Variants in GRK1 observed in about 807,000 individuals in gnomAD.
The protein encoded by GRK1 is rhodopsin kinase GRK1.
Under a neutral mutation model 41.7 loss-of-function variants are expected in GRK1, and 28 were observed. That is an observed-to-expected ratio of 0.67 (90% CI 0.50 to 0.92). GRK1 has a LOEUF of 0.92. Among genes scored for constraint, GRK1 ranks in the 40% least tolerant of loss-of-function variants. The pLI, the probability that GRK1 is intolerant of heterozygous loss-of-function variation, is 0.00. For synonymous variants in GRK1, 327 were observed against 286.7 expected (o/e 1.14, Z -1.42); for missense variants, 703 against 671.2 (o/e 1.05, Z -0.52).
rs1475553367 is a variant in GRK1 at position 113,667,496 on chromosome 13, C to T, written c.110C>T (p.Ala37Val). 1.9e-6 allele frequency: 3 copies of T among 1,612,350 alleles called. No homozygotes were observed. The highest frequency in any genetic ancestry group is 2.7e-5 in the African/African-American group (2 of 74,918). ...CCCTCCCGGGACAAGAAGTACCTGGCCAAGCTCAAGCTGCCCCCGCTGTCC... is the reference window on the plus strand; with the variant it reads ...CCCTCCCGGGACAAGAAGTACCTGGTCAAGCTCAAGCTGCCCCCGCTGTCC... ...SQPSRDKKYLAKLKLPPLSKC... is the reference protein window; with the variant it reads ...SQPSRDKKYLVKLKLPPLSKC... Residue 37 changes from alanine (A) to valine (V), a missense_variant, in exon 1 of 7, where the codon GCC becomes GTC. Physicochemically the swap from Ala to Val is moderately conservative, Grantham distance 64. Transcript: ENST00000335678. The surrounding 1 kb of genome is among the most constrained non-coding windows in gnomAD (Gnocchi z 7.5).
At chr13:113,733,960 G>GTA (rs1566700473) in intron 6 of GRK1, among the ~76,000 whole-genome samples, 16 of 124,018 alleles carry the variant, frequency 1.3e-4, no homozygotes, top group Non-Finnish European at 1.9e-5. Flanking sequence ...GTGTGCATAC[G>GTA]TGTGTGTGCG....
At chr13:113,654,202 G>A in the GRK1 span, among the ~76,000 whole-genome samples, 1 of 152,234 alleles carries the variant, frequency 6.6e-6, no homozygotes, top group East Asian at 1.9e-4. Flanking sequence ...CTGTTTAGTG[G>A]ATTTTGTTAA....
intron 4 of GRK1, among the ~76,000 whole-genome samples, chr13:113,724,961 GC>G (rs1455098762): frequency 6.6e-6 from 1 of 152,230 alleles, no homozygotes; most frequent in Admixed American, 6.5e-5. Context: ...CAGCTTCCAG[GC>G]CGAGGGTGAG....
the GRK1 span, chr13:113,651,654 C>G: frequency 1.3e-6 from 2 of 1,596,574 alleles, no homozygotes; most frequent in East Asian, 4.5e-5. Context: ...CCCTGCCCGC[C>G]GCGCGGCCGT....
In GRK1 at chr13:113,735,671, C is replaced by T. The variant is rs1185800712; in HGVS notation, c.*308C>T. 1 of 273,380 alleles carries T rather than the reference C, an allele frequency of 3.7e-6. No individual in the cohort carries two copies. Among genetic ancestry groups the T allele is most frequent in the African/African-American group, 2.2e-5 (1 of 45,748 alleles). 16.9% of individuals were successfully genotyped at this position (273,380 alleles called of 1,614,324 possible). A position where few individuals can be genotyped will look rare whatever the true frequency, so the allele number is the denominator to read the frequency against. ...AAAAATCTACAAACTCTTAGGGAGCCTCCTGCATTGGTGATTGACCAACCG... is the reference window on the plus strand; with the variant it reads ...AAAAATCTACAAACTCTTAGGGAGCTTCCTGCATTGGTGATTGACCAACCG... On this transcript the variant is annotated 3_prime_UTR_variant, in exon 7 of 7. Coordinates refer to ENST00000335678, the MANE Select transcript of GRK1 (RefSeq NM_002929.3).
rs145195020 is a variant in GRK1, at chr13:113,731,247, C to G, written c.1098C>G (p.Gly366=). 561 of 1,537,058 alleles carry G rather than the reference C, an allele frequency of 3.6e-4. 3 individuals carry two copies. The East Asian group carries it at 7.8e-3, about 21-fold the overall frequency. The change falls in exon 5 of 7, where the codon GGC becomes GGG. Residue 366 remains glycine (G), a synonymous_variant. Coordinates refer to ENST00000335678, the MANE Select transcript of GRK1 (RefSeq NM_002929.3). This position sits in a 1 kb window ranked among gnomAD's most constrained non-coding sequence, Gnocchi z 5.6. The stretch of plus-strand genomic sequence containing the variant: ...TCATGGCCCCCGAGCTCCTGCAGGG[C>G]GAGGAGTACGACTTCTCCGTGGACT... ...PGFMAPELLQ[G]EEYDFSVDYF... is the part of the protein sequence containing the mutation.
chr13:113,723,946 CTG>C (rs1027819802), intron 4 of GRK1, among the ~76,000 whole-genome samples: 3 of 151,150 alleles, frequency 2.0e-5, no homozygotes, highest in East Asian at 3.9e-4. Context: ...ATCCGTGTGC[CTG>C]TGTCTGTGTG....
the GRK1 span, among the ~76,000 whole-genome samples, chr13:113,659,991 G>A: frequency 6.6e-6 from 1 of 152,202 alleles, no homozygotes; most frequent in Non-Finnish European, 1.5e-5. Context: ...TCTTCCTAAT[G>A]TAGTCTCTGA....
the GRK1 span, among the ~76,000 whole-genome samples, chr13:113,652,172 G>C: frequency 1.3e-5 from 2 of 152,148 alleles, no homozygotes; most frequent in Non-Finnish European, 2.9e-5. Context: ...TCCAGCCCCA[G>C]CCATCCCCTG....
chr13:113,733,004 C>A lies in GRK1; in HGVS notation c.1315C>A (p.Leu439Met). 1.3e-6 allele frequency: 2 copies of A among 1,537,132 alleles called. No individual in the cohort carries two copies. The highest frequency in any genetic ancestry group is 1.7e-6 in the Non-Finnish European group (2 of 1,146,916). Residue 439 changes from leucine to methionine, a missense_variant, in exon 6 of 7, where the codon CTG becomes ATG. Coordinates refer to ENST00000335678, the MANE Select transcript of GRK1 (RefSeq NM_002929.3). The part of the protein sequence containing the change: ...ALLEKDPEKR[L>M]GFRDETCDKL... ...GCTGGAGAAGGACCCGGAGAAGCGC[C>A]TGGGGTTCAGAGATGAGACCTGCGA...
intron 4 of GRK1, among the ~76,000 whole-genome samples, chr13:113,723,966 T>G (rs1767540181): frequency 6.8e-6 from 1 of 147,112 alleles, no homozygotes; most frequent in Non-Finnish European, 1.5e-5. Flanking sequence ...GTGCATGTGT[T>G]CCTGTGTATG....
chr13:113,660,390 T>TC, the GRK1 span, among the ~76,000 whole-genome samples: 1 of 152,176 alleles, frequency 6.6e-6, no homozygotes, highest in Non-Finnish European at 1.5e-5. Context: ...ACCCAAAGGT[T>TC]CCCAGTGGGA....
upstream of GRK1, among the ~76,000 whole-genome samples, chr13:113,664,408 T>G (rs1019777429): frequency 3.3e-5 from 5 of 152,166 alleles, no homozygotes; most frequent in Non-Finnish European, 5.9e-5. The surrounding 1 kb of genome is among the most constrained non-coding windows in gnomAD (Gnocchi z 5.4). Flanking sequence ...AATCCACAAT[T>G]ATCACAGAAT....
In GRK1 at chr13:113,667,487, A is replaced by G; in HGVS notation, c.101A>G (p.Lys34Arg). The G allele has an allele frequency of 1.9e-6, 3 of 1,612,098 alleles. No individual in the cohort carries two copies. The highest frequency in any genetic ancestry group is 2.5e-6 in the Non-Finnish European group (3 of 1,179,236). Residue 34 changes from lysine to arginine, a missense_variant, in exon 1 of 7, where the codon AAG (lysine) becomes AGG (arginine). Coordinates refer to ENST00000335678, the MANE Select transcript of GRK1 (RefSeq NM_002929.3). This position sits in a 1 kb window ranked among gnomAD's most constrained non-coding sequence, Gnocchi z 7.5. ...GSSSQPSRDK[K>R]YLAKLKLPPL... The stretch of plus-strand genomic sequence containing the variant: ...AGCTCCCAACCCTCCCGGGACAAGA[A>G]GTACCTGGCCAAGCTCAAGCTGCCC...
chr13:113,656,246 T>C, the GRK1 span, among the ~76,000 whole-genome samples: 1 of 152,178 alleles, frequency 6.6e-6, no homozygotes, highest in Admixed American at 6.5e-5. Context: ...TGGCTTCTAT[T>C]TGACTTGGCC....
rs1433256289 is a variant in GRK1, at chr13:113,737,662, G to A, written c.*2299G>A. On this transcript the variant is annotated 3_prime_UTR_variant, in exon 7 of 7. Transcript: ENST00000335678. ...TGGAGACTTTCATATGTCCTGTCAA[G>A]TTGCCTCATGCACCTGCAGACTGTT... 1.3e-5 allele frequency: 2 copies of A among 154,548 alleles called. No homozygotes were observed. The highest frequency in any genetic ancestry group is 4.8e-5 in the African/African-American group (2 of 41,528). 9.6% of individuals were successfully genotyped at this position (154,548 alleles called of 1,614,324 possible).
the GRK1 span, chr13:113,650,577 G>T: frequency 8.1e-7 from 1 of 1,236,796 alleles, no homozygotes; most frequent in East Asian, 2.3e-5. This position sits in a 1 kb window ranked among gnomAD's most constrained non-coding sequence, Gnocchi z 5.0. Context: ...TGTTGCGTTT[G>T]TGTGCGTGTG....
chr13:113,734,934 A>G, intron 6 of GRK1, 134 bp from the exon 7 acceptor site: 1 of 889,614 alleles, frequency 1.1e-6, no homozygotes, highest in Non-Finnish European at 1.6e-6. Context: ...CTCAGCCTCC[A>G]CGACACTTCC....
At chr13:113,664,461 TG>T (rs1382043495), upstream of GRK1, among the ~76,000 whole-genome samples, 3 of 151,564 alleles carry the variant, frequency 2.0e-5, no homozygotes, top group Non-Finnish European at 2.9e-5. This position sits in a 1 kb window ranked among gnomAD's most constrained non-coding sequence, Gnocchi z 5.4. Context: ...CAAATGAATT[TG>T]GGAAACGACA....
Sources: allele counts gnomAD v4.1 joint callset (sites outside exome capture counted in the v4.1 genomes callset), GRCh38; gene constraint gnomAD v4.1.1; non-coding constraint Gnocchi (gnomAD v3.1); transcripts MANE v1.5; gene names NCBI Gene and HGNC (gene_info 2026-07-23, HGNC 2026-07-21).